INF2: variants seen among roughly 807,000 people sequenced by gnomAD.
INF2 encodes the protein inverted formin 2.
A neutral mutation model predicts 123.5 loss-of-function variants in INF2; 43 were observed. The observed-to-expected ratio is 0.35, with a 90% CI of 0.27 to 0.45. The LOEUF (loss-of-function observed/expected upper bound fraction) is 0.45. Among genes scored for constraint, INF2 ranks in the 20% least tolerant of loss-of-function variants. INF2 has a pLI of 1.00. For missense variants in INF2, 1,453 were observed against 1,682.7 expected (o/e 0.86, Z 2.39); for synonymous variants, 851 against 745.0 (o/e 1.14, Z -2.32).
At chr14:104,711,329 CTCAG>C in intron 15 of INF2, 143 bp downstream of exon 15, 2 of 765,170 alleles carry the variant, frequency 2.6e-6, no homozygotes, top group Non-Finnish European at 4.4e-6. Flanking sequence ...AGCCAGCAGC[CTCAG>C]TCAGAGCCAC....
In INF2 at chr14:104,714,388, T is replaced by A; in HGVS notation, c.3226T>A (p.Ser1076Thr). ...EGGPRPLERR[S>T]SWYVDASDVL... ...TGGTCCACGGCCCCTGGAGAGGCGT[T>A]CTTCCTGGTATGTGGATGCCAGCGA... is the stretch of plus-strand genomic sequence containing the variant. The change falls in exon 21 of 23, where the codon TCT becomes ACT. Residue 1076 changes from serine to threonine, a missense_variant. Physicochemically the swap from Ser to Thr is moderately conservative, Grantham distance 58. Coordinates refer to ENST00000392634, the MANE Select transcript of INF2 (RefSeq NM_022489.4). 1 of 1,602,270 alleles carries A rather than the reference T, an allele frequency of 6.2e-7. No homozygotes were observed. Among genetic ancestry groups the A allele is most frequent in the Non-Finnish European group, 8.5e-7 (1 of 1,174,918 alleles).
chr14:104,707,749 C>A lies in INF2; in HGVS notation c.1482C>A (p.Leu494=). Residue 494 remains leucine (L), a synonymous_variant, in exon 8 of 23, where the codon CTC becomes CTA. Coordinates refer to ENST00000392634, the MANE Select transcript of INF2 (RefSeq NM_022489.4). The part of the protein sequence containing the change: ...CEFLPPPPPP[L]PGLGCPPPPP... ...TCCTGCCCCCACCACCTCCACCACT[C>A]CCGGGCTTGGGATGCCCGCCCCCAC... 1.5e-6 allele frequency: 2 copies of A among 1,341,592 alleles called. No homozygotes were observed. The highest frequency in any genetic ancestry group is 2.0e-6 in the Non-Finnish European group (2 of 977,510). 83.1% of individuals were successfully genotyped at this position (1,341,592 alleles called of 1,614,324 possible). A position where few individuals can be genotyped will look rare whatever the true frequency, so the allele number is the denominator to read the frequency against.
At chr14:104,709,132 C>T (rs1016851903) in intron 10 of INF2, 149 bp from the exon 11 acceptor site, 32 of 657,224 alleles carry the variant, frequency 4.9e-5, no homozygotes, top group African/African-American at 8.9e-5. Context: ...ACCGCGTGAC[C>T]GTGGGCAACA....
chr14:104,686,947 G>A (rs1888678016), upstream of INF2, among the ~76,000 whole-genome samples: 1 of 152,218 alleles, frequency 6.6e-6, no homozygotes, highest in African/African-American at 2.4e-5. Context: ...ACAGTGGCAG[G>A]GCCACTCTTG....
At chr14:104,710,313 A>G in intron 13 of INF2, 125 bp downstream of exon 13, 1 of 691,982 alleles carries the variant, frequency 1.4e-6, no homozygotes, top group Non-Finnish European at 2.5e-6. Flanking sequence ...TAAGGGTGCC[A>G]GCCTTCACCA....
chr14:104,701,270 C>G lies in INF2; in HGVS notation c.-9-87C>G, dbSNP rs1595163241. 2.1e-6 allele frequency: 3 copies of G among 1,421,804 alleles called. No individual in the cohort carries two copies. The East Asian group carries it at 7.5e-5, about 36-fold the overall frequency. 88.1% of individuals were successfully genotyped at this position (1,421,804 alleles called of 1,614,324 possible). A position where few individuals can be genotyped will look rare whatever the true frequency, so the allele number is the denominator to read the frequency against. ...GGAATTGCAGCAGAGAAACTGAGAC[C>G]GAGGGAAGTGGCCCCGCCTGCGCTG... is the stretch of plus-strand genomic sequence containing the variant. On this transcript the variant is annotated intron_variant, in intron 1 of 22. Transcript: ENST00000392634.
In INF2 at chr14:104,706,107, G is replaced by A. The variant is rs369277782; in HGVS notation, c.774G>A (p.Glu258=). The A allele has an allele frequency of 6.2e-7, 1 of 1,612,312 alleles. No homozygotes were observed. Among genetic ancestry groups the A allele is most frequent in the South Asian group, 1.1e-5 (1 of 90,956 alleles). Reference sequence around the variant, plus strand: ...AGGCTAAGGCCGAGGACGAGGAGGAGCTGCTGCGAGTCTCTGGCGGGGTCG... The same window carrying A: ...AGGCTAAGGCCGAGGACGAGGAGGAACTGCTGCGAGTCTCTGGCGGGGTCG... ...FEEAKAEDEE[E]LLRVSGGVDM... Residue 258 remains glutamate (E), a synonymous_variant, in exon 6 of 23, where the codon GAG becomes GAA. Coordinates refer to ENST00000392634, the MANE Select transcript of INF2 (RefSeq NM_022489.4).
Position 104,714,250 on chromosome 14 carries a change from C to G in INF2, c.3088C>G (p.Pro1030Ala). 6.3e-7 allele frequency: 1 copy of G among 1,586,568 alleles called. No homozygotes were observed. The change falls in exon 21 of 23, where the codon CCC (proline) becomes GCC (alanine). Residue 1030 changes from proline (P) to alanine (A), a missense_variant. Pro to Ala is a conservative substitution (Grantham distance 27). Transcript: ENST00000392634. ...AGDPVGSTRC[P>A]ASEPGLDATT... ...AGATCCCGTGGGCAGCACGCGCTGTCCCGCCTCTGAGCCCGGCCTTGATGC... is the reference window on the plus strand; with the variant it reads ...AGATCCCGTGGGCAGCACGCGCTGTGCCGCCTCTGAGCCCGGCCTTGATGC...
upstream of INF2, chr14:104,689,587 T>TGCTTC: frequency 1.2e-6 from 1 of 851,068 alleles, no homozygotes; most frequent in Non-Finnish European, 1.4e-6. Flanking sequence ...CACCTCCTCT[T>TGCTTC]CCTCCCGCCC....
intron 21 of INF2, among the ~76,000 whole-genome samples, 178 bp downstream of exon 21, chr14:104,715,034 G>A (rs373433786): frequency 2.6e-5 from 4 of 152,200 alleles, no homozygotes; most frequent in African/African-American, 9.7e-5. Context: ...GTGGGCTGCC[G>A]CGGCCCGTGC....
intron 16 of INF2, 136 bp downstream of exon 16, chr14:104,711,835 A>G (rs1890062914): frequency 4.0e-6 from 3 of 750,062 alleles, no homozygotes; most frequent in South Asian, 1.7e-5. Context: ...GCCCTGCCCA[A>G]TAGAACACTT....
At chr14:104,700,078 T>TAGA (rs1889399568) in intron 1 of INF2, among the ~76,000 whole-genome samples, 1 of 152,126 alleles carries the variant, frequency 6.6e-6, no homozygotes, top group East Asian at 1.9e-4. Flanking sequence ...AGGGGAGGAA[T>TAGA]AGAGCCTCCT....
chr14:104,701,839 C>T, intron 2 of INF2, 83 bp downstream of exon 2: 2 of 1,393,220 alleles, frequency 1.4e-6, no homozygotes, highest in Non-Finnish European at 1.9e-6. Flanking sequence ...CCCGGGAGGC[C>T]TGGGGAACCA....
At chr14:104,717,864 G>T (rs1162712066) in intron 22 of INF2, among the ~76,000 whole-genome samples, 1 of 151,750 alleles carries the variant, frequency 6.6e-6, no homozygotes, top group Non-Finnish European at 1.5e-5. Context: ...GCCGCCCCTC[G>T]TCCGAGCGTT....
chr14:104,711,840 A>AC, intron 16 of INF2, 141 bp downstream of exon 16: 1 of 732,522 alleles, frequency 1.4e-6, no homozygotes, highest in East Asian at 2.7e-5. Context: ...GCCCAATAGA[A>AC]CACTTCCCTT....
Position 104,714,427 on chromosome 14 carries a change from G to A in INF2, c.3265G>A (p.Glu1089Lys), listed in dbSNP as rs1427744121. ...GGATGCCAGCGATGTCCTAACCACT[G>A]AGGATCCCCAGTGCCCCCAGCCCTT... ...YVDASDVLTT[E>K]DPQCPQPLEG... The change falls in exon 21 of 23, where the codon GAG becomes AAG. Residue 1089 changes from glutamate (E) to lysine (K), a missense_variant. Glu to Lys is a moderately conservative substitution (Grantham distance 56, BLOSUM62 1). Coordinates refer to ENST00000392634, the MANE Select transcript of INF2 (RefSeq NM_022489.4). The A allele has an allele frequency of 6.2e-7, 1 of 1,609,272 alleles. No individual in the cohort carries two copies. The highest frequency in any genetic ancestry group is 1.1e-5 in the South Asian group (1 of 90,636).
At chr14:104,689,770 GC>G in intron 1 of INF2, 31 bp downstream of exon 1, 1 of 982,476 alleles carries the variant, frequency 1.0e-6, no homozygotes, top group Non-Finnish European at 1.2e-6. Flanking sequence ...TCCGCTTGGA[GC>G]TTCAGGGGAA....
At chr14:104,695,649 C>T (rs557754606) in intron 1 of INF2, among the ~76,000 whole-genome samples, 7 of 129,684 alleles carry the variant, frequency 5.4e-5, no homozygotes, top group African/African-American at 1.2e-4. Context: ...CCCCTACCCC[C>T]CCTACAGAGT....
chr14:104,691,214 C>G (rs1048526471), intron 1 of INF2: 1 of 152,248 alleles, frequency 6.6e-6, no homozygotes, highest in African/African-American at 2.4e-5. Context: ...GTGGAAGCTC[C>G]TACCTGAAAT....
Sources: allele counts gnomAD v4.1 joint callset (sites outside exome capture counted in the v4.1 genomes callset), GRCh38; gene constraint gnomAD v4.1.1; transcripts MANE v1.5; gene names NCBI Gene and HGNC (gene_info 2026-07-23, HGNC 2026-07-21).